The following LPCAT1 variants were observed in gnomAD, a reference collection of about 807,000 sequenced individuals.
The protein encoded by LPCAT1 is lysophosphatidylcholine acyltransferase 1.
Under a neutral mutation model 60.9 loss-of-function variants are expected in LPCAT1, and 23 were observed. The observed-to-expected ratio is 0.38, with a 90% CI of 0.27 to 0.53. LPCAT1 has a LOEUF of 0.53. Ranked by LOEUF, LPCAT1 falls within the 20% of genes least tolerant of loss-of-function variation. The pLI is 0.82. For synonymous variants in LPCAT1, 340 were observed against 301.1 expected, an observed-to-expected ratio of 1.13 and a Z score of -1.34; for missense variants, 622 against 723.6, an observed-to-expected ratio of 0.86 and a Z score of 1.61.
chr5:1,518,073 G>A (rs1736559905), intron 1 of LPCAT1, among the ~76,000 whole-genome samples: 1 of 152,270 alleles, frequency 6.6e-6, no homozygotes, highest in Non-Finnish European at 1.5e-5. Context: ...ACGCCTCAGG[G>A]TTCTCGCCCC....
rs1273411103 is a variant in LPCAT1, at chr5:1,523,950, G to C, written c.-106C>G. 1.2e-6 allele frequency: 1 copy of C among 813,624 alleles called. No homozygotes were observed. The highest frequency in any genetic ancestry group is 6.2e-5 in the Admixed American group (1 of 16,120). 50.4% of individuals were successfully genotyped at this position (813,624 alleles called of 1,614,324 possible). On this transcript the variant is annotated 5_prime_UTR_variant, in exon 1 of 14. Transcript: ENST00000283415. The surrounding 1 kb of genome is among the most constrained non-coding windows in gnomAD (Gnocchi z 7.1). ...GGGCGCGGGCCGAGGATGCGCGGCG[G>C]CTGGAGCGGGCCGGGCGCGCAGGCG...
At chr5:1,500,032 CAA>C (rs1228212286) in intron 2 of LPCAT1, among the ~76,000 whole-genome samples, 1 of 152,286 alleles carries the variant, frequency 6.6e-6, no homozygotes, top group Admixed American at 6.5e-5. Context: ...GCCTCTGTCC[CAA>C]CCACTTGGCC....
chr5:1,507,234 T>C (rs1166115668), intron 1 of LPCAT1, among the ~76,000 whole-genome samples: 1 of 151,970 alleles, frequency 6.6e-6, no homozygotes, highest in Non-Finnish European at 1.5e-5. Flanking sequence ...AACCTGGCCC[T>C]CCCAAGACAA....
chr5:1,482,222 G>C (rs1402942437), intron 6 of LPCAT1, among the ~76,000 whole-genome samples: 1 of 151,686 alleles, frequency 6.6e-6, no homozygotes. Context: ...TCATTGCTGT[G>C]GAAGGGGGAA....
rs1475891409 is a variant in LPCAT1, at chr5:1,521,991, T to C, written c.135+1719A>G. ...CCGGGGGCTGCAACTATGACAGGGA[T>C]GACGAAGTGGCCTCCGGGGACCTCC... On this transcript the variant is annotated intron_variant, in intron 1 of 13. Transcript: ENST00000283415. This position sits in a 1 kb window ranked among gnomAD's most constrained non-coding sequence, Gnocchi z 4.3. Among the ~76,000 whole-genome samples, 2 of 152,062 alleles carry C rather than the reference T, an allele frequency of 1.3e-5. No homozygotes were observed. The highest frequency in any genetic ancestry group is 2.9e-5 in the Non-Finnish European group (2 of 67,982).
In LPCAT1 at chr5:1,522,132, G is replaced by C. The variant is rs1029226805; in HGVS notation, c.135+1578C>G. 1.1e-4 allele frequency among the ~76,000 whole-genome samples: 16 copies of C among 152,158 alleles called. No homozygotes were observed. Among genetic ancestry groups the C allele is most frequent in the Admixed American group, 6.5e-4 (10 of 15,286 alleles). On this transcript the variant is annotated intron_variant, in intron 1 of 13. Transcript: ENST00000283415. This position sits in a 1 kb window ranked among gnomAD's most constrained non-coding sequence, Gnocchi z 6.8. Reference sequence around the variant, plus strand: ...CAGGAGCAGGGCTGGGGAAGCCCTGGAAACCACAGCAGGGGTTCGAATTTC... The same window carrying C: ...CAGGAGCAGGGCTGGGGAAGCCCTGCAAACCACAGCAGGGGTTCGAATTTC...
At chr5:1,498,516 CATAT>C (rs1579798038) in intron 2 of LPCAT1, among the ~76,000 whole-genome samples, 1 of 152,140 alleles carries the variant, frequency 6.6e-6, no homozygotes, top group African/African-American at 2.4e-5. Context: ...ACATCGCTCT[CATAT>C]ATACTCACAT....
In LPCAT1 at chr5:1,521,699, C is replaced by T. The variant is rs1002509555; in HGVS notation, c.135+2011G>A. Among the ~76,000 whole-genome samples the T allele has an allele frequency of 3.3e-5, 5 of 152,082 alleles. No homozygotes were observed. Among genetic ancestry groups the T allele is most frequent in the African/African-American group, 1.2e-4 (5 of 41,348 alleles). ...AAAGCAAGCCCCCTCTCTGAGAGGC[C>T]CCAACACCTCAAGCCAGGATCTCTG... On this transcript the variant is annotated intron_variant, in intron 1 of 13. Transcript: ENST00000283415. The surrounding 1 kb of genome is among the most constrained non-coding windows in gnomAD (Gnocchi z 4.3).
rs1243392474 is a variant in LPCAT1 at position 1,463,532 on chromosome 5, G to A, written c.*119C>T. On this transcript the variant is annotated 3_prime_UTR_variant, in exon 14 of 14. Coordinates refer to ENST00000283415, the MANE Select transcript of LPCAT1 (RefSeq NM_024830.5). The stretch of plus-strand genomic sequence containing the variant: ...CAGCCCCCGAGGCCCCTGGAACTCG[G>A]GCTGAAGACAGTGCCTGTACAGCAG... 9.0e-7 allele frequency: 1 copy of A among 1,117,048 alleles called. No homozygotes were observed. Among genetic ancestry groups the A allele is most frequent in the Non-Finnish European group, 1.3e-6 (1 of 790,942 alleles). 69.2% of individuals were successfully genotyped at this position (1,117,048 alleles called of 1,614,324 possible). A position where few individuals can be genotyped will look rare whatever the true frequency, so the allele number is the denominator to read the frequency against.
rs1736752990 is a variant in LPCAT1, at chr5:1,523,880, C to T, written c.-36G>A. On this transcript the variant is annotated 5_prime_UTR_variant, in exon 1 of 14. Coordinates refer to ENST00000283415, the MANE Select transcript of LPCAT1 (RefSeq NM_024830.5). The surrounding 1 kb of genome is among the most constrained non-coding windows in gnomAD (Gnocchi z 7.1). ...TCCCGCGGCGAGCGCAGCCGAGCTG[C>T]CTGGGGCGCCGAGCGGGGCCGGGGC... 8.7e-6 allele frequency: 9 copies of T among 1,031,776 alleles called. No homozygotes were observed. Among genetic ancestry groups the T allele is most frequent in the Middle Eastern group, 4.6e-4 (1 of 2,188 alleles). The allele number at this position is 1,031,776 out of a possible 1,614,324, so 63.9% of individuals were successfully genotyped here.
intron 9 of LPCAT1, 56 bp from the exon 10 acceptor site, chr5:1,474,741 G>A (rs1040170741): frequency 3.5e-5 from 54 of 1,562,934 alleles, no homozygotes; most frequent in Non-Finnish European, 4.3e-5. Context: ...AGTTCCCACC[G>A]CCCCACCAGA....
At chr5:1,515,104 G>T (rs1736466142) in intron 1 of LPCAT1, among the ~76,000 whole-genome samples, 1 of 150,112 alleles carries the variant, frequency 6.7e-6, no homozygotes, top group African/African-American at 2.5e-5. Flanking sequence ...CCTGCTACAA[G>T]AAAGAGTCCC....
chr5:1,486,228 C>T (rs1176037572), intron 5 of LPCAT1, among the ~76,000 whole-genome samples: 1 of 152,234 alleles, frequency 6.6e-6, no homozygotes, highest in East Asian at 1.9e-4. Context: ...GAACCCACCA[C>T]ATCCAGCAGA....
rs918406922 is a variant in LPCAT1, at chr5:1,523,465, G to A, written c.135+245C>T. Among the ~76,000 whole-genome samples, 1 of 151,704 alleles carries A rather than the reference G, an allele frequency of 6.6e-6. No individual in the cohort carries two copies. The highest frequency in any genetic ancestry group is 2.4e-5 in the African/African-American group (1 of 41,378). ...CGGGGATGGGAAGCGGGGACCCCGA[G>A]GAAGGCGCTGAGGGACCAGGATGCG... On this transcript the variant is annotated intron_variant, in intron 1 of 13. Coordinates refer to ENST00000283415, the MANE Select transcript of LPCAT1 (RefSeq NM_024830.5). The surrounding 1 kb of genome is among the most constrained non-coding windows in gnomAD (Gnocchi z 7.1).
intron 13 of LPCAT1, among the ~76,000 whole-genome samples, chr5:1,465,613 GCA>G (rs1397653626): frequency 4.7e-5 from 7 of 148,714 alleles, no homozygotes; most frequent in South Asian, 4.3e-4. Context: ...AAACACGTGC[GCA>G]CACACACAAA....
chr5:1,463,839 G>T lies in LPCAT1; in HGVS notation c.1421-4C>A. On this transcript the variant is annotated splice_polypyrimidine_tract_variant and splice_region_variant and intron_variant, in intron 13 of 13. Coordinates refer to ENST00000283415, the MANE Select transcript of LPCAT1 (RefSeq NM_024830.5). ...TCTGCAAACCTGTGGAAGTCAGCTG[G>T]AAAGACAAAGGCACCTGTGGTTATG... 6.2e-7 allele frequency: 1 copy of T among 1,613,504 alleles called. No homozygotes were observed. The highest frequency in any genetic ancestry group is 8.5e-7 in the Non-Finnish European group (1 of 1,179,560).
intron 2 of LPCAT1, among the ~76,000 whole-genome samples, chr5:1,498,783 C>T (rs1451774560): frequency 6.6e-6 from 1 of 152,160 alleles, no homozygotes; most frequent in Non-Finnish European, 1.5e-5. Flanking sequence ...AGGTACACAG[C>T]ACACACATAT....
chr5:1,474,682 G>A lies in LPCAT1; in HGVS notation c.903C>T (p.Ala301=). The A allele has an allele frequency of 1.2e-6, 2 of 1,612,918 alleles. No individual in the cohort carries two copies. The highest frequency in any genetic ancestry group is 1.3e-5 in the African/African-American group (1 of 75,030). The change falls in exon 10 of 14, where the codon GCC becomes GCT. Residue 301 remains alanine (A), a synonymous_variant. Coordinates refer to ENST00000283415, the MANE Select transcript of LPCAT1 (RefSeq NM_024830.5). ...ASNVRRVMAE[A]LGVSVTDYTF... Reference sequence around the variant, plus strand: ...TGTAGTCAGTCACGGAGACACCCAAGGCCCTACAAGGAGGGCAGCACCCCC... The same window carrying A: ...TGTAGTCAGTCACGGAGACACCCAAAGCCCTACAAGGAGGGCAGCACCCCC...
Position 1,465,400 on chromosome 5 carries a change from A to T in LPCAT1, c.1420+1349T>A, listed in dbSNP as rs566963268. ...CACACGGTAACACACATGCGCATGC[A>T]CACATGGTAACTACACACATGCACA... is the stretch of plus-strand genomic sequence containing the variant. On this transcript the variant is annotated intron_variant, in intron 13 of 13. Transcript: ENST00000283415. Among the ~76,000 whole-genome samples, 3 of 150,582 alleles carry T rather than the reference A, an allele frequency of 2.0e-5. No individual in the cohort carries two copies. In the East Asian group the frequency reaches 5.9e-4, roughly 30 times the overall value.
Sources: gnomAD v4.1 joint callset for allele counts (sites outside exome capture counted in the v4.1 genomes callset) on GRCh38, gnomAD v4.1.1 for gene constraint, Gnocchi (gnomAD v3.1) non-coding constraint, MANE v1.5 for transcripts, NCBI Gene and HGNC (gene_info 2026-07-23, HGNC 2026-07-21) for gene names.